Variants in GRIK1 observed in about 807,000 individuals in gnomAD.
GRIK1 encodes glutamate receptor ionotropic, kainate 1.
Under a neutral mutation model 105.7 loss-of-function variants are expected in GRIK1, and 69 were observed. The ratio of observed to expected loss-of-function variants is 0.65; its 90% CI spans 0.54 to 0.80. GRIK1 has a LOEUF of 0.80. Ranked by LOEUF, GRIK1 falls within the 30% of genes least tolerant of loss-of-function variation. The pLI, the probability that GRIK1 is intolerant of heterozygous loss-of-function variation, is 0.00. For synonymous variants in GRIK1, 438 were observed against 431.3 expected (o/e 1.02, Z -0.19); for missense variants, 1,109 against 1,167.3 (o/e 0.95, Z 0.73).
rs778268465 is a variant in GRIK1 at position 29,689,824 on chromosome 21, G to T, written c.448C>A (p.Leu150Ile). 1.2e-6 allele frequency: 2 copies of T among 1,613,838 alleles called. No individual in the cohort carries two copies. Among genetic ancestry groups the T allele is most frequent in the East Asian group, 2.2e-5 (1 of 44,888 alleles). ...CTGATAGCTGCATAATCTGGGTAAA[G>T]GTTGATGTAAAACAAATCTTTGTTG... Reference protein sequence around the residue: ...VDNKDLFYINLYPDYAAISRA... With the variant: ...VDNKDLFYINIYPDYAAISRA... Residue 150 changes from leucine (L) to isoleucine (I), a missense_variant, in exon 3 of 18, where the codon CTT becomes ATT. Physicochemically the swap from Leu to Ile is conservative, Grantham distance 5. Coordinates refer to ENST00000327783, the MANE Select transcript of GRIK1 (RefSeq NM_001330994.2).
chr21:29,838,721 T>C (rs1392633806), intron 1 of GRIK1, among the ~76,000 whole-genome samples: 1 of 152,208 alleles, frequency 6.6e-6, no homozygotes, highest in Non-Finnish European at 1.5e-5. Flanking sequence ...TGATACTGAT[T>C]ACAGCAGAGA....
chr21:29,826,274 A>G (rs564444105), intron 1 of GRIK1, among the ~76,000 whole-genome samples: 1 of 152,220 alleles, frequency 6.6e-6, no homozygotes, highest in Non-Finnish European at 1.5e-5. Context: ...CTCTCTCTCA[A>G]TTGGCTCAGA....
chr21:29,828,112 G>A (rs938590530), intron 1 of GRIK1, among the ~76,000 whole-genome samples: 24 of 151,564 alleles, frequency 1.6e-4, no homozygotes, highest in African/African-American at 5.8e-4. Context: ...GGGCTTTCTA[G>A]ACAACAAAAG....
At chr21:29,539,914 C>A (rs1022047014) in intron 16 of GRIK1, among the ~76,000 whole-genome samples, 1 of 152,212 alleles carries the variant, frequency 6.6e-6, no homozygotes, top group Non-Finnish European at 1.5e-5. Flanking sequence ...GAGAAATCAT[C>A]TACACATTAC....
At chr21:29,673,247 A>T in intron 3 of GRIK1, 83 bp from the exon 4 acceptor site, 1 of 870,152 alleles carries the variant, frequency 1.1e-6, no homozygotes, top group Non-Finnish European at 1.8e-6. Flanking sequence ...AACTCGTTTC[A>T]ACTCCAAAAC....
rs2090081866 is a variant in GRIK1, at chr21:29,548,560, CTA to C, written c.2607+6490_2607+6491del. On this transcript the variant is annotated intron_variant, in intron 16 of 17. Coordinates refer to ENST00000327783, the MANE Select transcript of GRIK1 (RefSeq NM_001330994.2). ...CACTGTTAGATGTTCAGAAAATAGT[CTA>C]ATAAGTAAGACTGCTTTGCTTTCCT... is the stretch of plus-strand genomic sequence containing the variant. Among the ~76,000 whole-genome samples the C allele has an allele frequency of 2.0e-5, 3 of 151,458 alleles. No individual in the cohort carries two copies. In the East Asian group the frequency reaches 5.9e-4, roughly 30 times the overall value.
intron 4 of GRIK1, among the ~76,000 whole-genome samples, chr21:29,658,990 A>C (rs2062908527): frequency 6.6e-6 from 1 of 152,194 alleles, no homozygotes; most frequent in Non-Finnish European, 1.5e-5. Flanking sequence ...TCTTGTTTAC[A>C]ACTTTGTTTT....
chr21:29,696,735 G>A (rs1174733101), intron 1 of GRIK1, among the ~76,000 whole-genome samples: 1 of 152,202 alleles, frequency 6.6e-6, no homozygotes, highest in East Asian at 1.9e-4. Context: ...GGAGACCAAG[G>A]CATCTTTAGG....
chr21:29,659,080 G>A (rs758662848), intron 4 of GRIK1, among the ~76,000 whole-genome samples: 5 of 152,136 alleles, frequency 3.3e-5, no homozygotes, highest in Non-Finnish European at 7.4e-5. Context: ...CATTTTTCAT[G>A]TGCTAATGTC....
chr21:29,601,272 C>T (rs1402881448), intron 7 of GRIK1: 2 of 495,072 alleles, frequency 4.0e-6, no homozygotes, highest in Non-Finnish European at 8.3e-6. Context: ...CAGGAGATTA[C>T]ATCATCGATG....
At chr21:29,689,663 T>G (rs922125834) in intron 3 of GRIK1, 65 bp downstream of exon 3, 2 of 1,437,152 alleles carry the variant, frequency 1.4e-6, no homozygotes, top group South Asian at 1.2e-5. Flanking sequence ...AATGACTATT[T>G]GATACTTTCG....
At chr21:29,697,018 A>G (rs1488664472) in intron 1 of GRIK1, among the ~76,000 whole-genome samples, 2 of 151,646 alleles carry the variant, frequency 1.3e-5, no homozygotes, top group East Asian at 3.9e-4. Context: ...TATAAATGAA[A>G]AAGTGAACAA....
chr21:29,709,541 T>C (rs2063996183), intron 1 of GRIK1, among the ~76,000 whole-genome samples: 1 of 152,084 alleles, frequency 6.6e-6, no homozygotes, highest in Admixed American at 6.5e-5. Context: ...ATTTGCTTAT[T>C]CATTGGAATT....
chr21:29,591,294 T>G, intron 9 of GRIK1, 69 bp from the exon 10 acceptor site: 1 of 902,900 alleles, frequency 1.1e-6, no homozygotes, highest in East Asian at 2.4e-5. Flanking sequence ...GAGAGGCCCC[T>G]TCTCTACCAG....
intron 16 of GRIK1, among the ~76,000 whole-genome samples, chr21:29,549,519 G>C (rs967004912): frequency 2.0e-5 from 3 of 152,098 alleles, no homozygotes; most frequent in African/African-American, 7.2e-5. Context: ...TTCACTTTCA[G>C]GCTTCATTGT....
At chr21:29,680,177 C>A (rs994334194) in intron 3 of GRIK1, among the ~76,000 whole-genome samples, 2 of 152,154 alleles carry the variant, frequency 1.3e-5, no homozygotes, top group Admixed American at 1.3e-4. Flanking sequence ...AAAATGCATG[C>A]AGTTGAGAAT....
At chr21:29,647,057 G>T (rs571180498) in intron 6 of GRIK1, among the ~76,000 whole-genome samples, 1 of 152,254 alleles carries the variant, frequency 6.6e-6, no homozygotes, top group South Asian at 2.1e-4. Context: ...TGTTGGCCAG[G>T]CTGGTCTCGA....
At chr21:29,773,065 T>TATAG (rs1491476046) in intron 1 of GRIK1, among the ~76,000 whole-genome samples, 4 of 152,258 alleles carry the variant, frequency 2.6e-5, no homozygotes, top group Middle Eastern at 6.8e-3. Flanking sequence ...CCATGTAACT[T>TATAG]ATAGATGGGT....
chr21:29,879,370 C>A (rs556855513), intron 1 of GRIK1, among the ~76,000 whole-genome samples: 1 of 152,052 alleles, frequency 6.6e-6, no homozygotes, highest in Non-Finnish European at 1.5e-5. Flanking sequence ...AAAGAGGGAG[C>A]TGTCAAAGGG....
Sources: allele counts gnomAD v4.1 joint callset (sites outside exome capture counted in the v4.1 genomes callset), GRCh38; gene constraint gnomAD v4.1.1; transcripts MANE v1.5; gene names NCBI Gene and HGNC (gene_info 2026-07-23, HGNC 2026-07-21).